CLDN14: variants seen among roughly 807,000 people sequenced by gnomAD.
CLDN14 encodes claudin-14.
CLDN14 carries 2 observed loss-of-function variants against 2.1 expected under a neutral mutation model. The observed-to-expected ratio is 0.96, with a 90% CI of 0.39 to 3.01. CLDN14 has a LOEUF of 3.01. Ranked by LOEUF, CLDN14 falls within the 30% of genes most tolerant of loss-of-function variation. CLDN14 has a pLI of 0.09. For synonymous variants in CLDN14, 136 were observed against 154.4 expected (o/e 0.88, Z 0.88); for missense variants, 298 against 328.0 (o/e 0.91, Z 0.71).
chr21:36,471,759 T>A (rs115381856), intron 1 of CLDN14, among the ~76,000 whole-genome samples: 2,166 of 152,328 alleles, frequency 0.014, 35 homozygotes, highest in African/African-American at 0.047. Flanking sequence ...CTTCATGAAT[T>A]AGACAACTAT....
intron 2 of CLDN14, among the ~76,000 whole-genome samples, chr21:36,490,949 G>GAC (rs3030068): frequency 0.081 from 12,046 of 148,752 alleles, 648 homozygotes; most frequent in African/African-American, 0.15. Flanking sequence ...CAAGTGCACA[G>GAC]ACACACACAC....
At chr21:36,547,135 A>G (rs1180908095) in intron 1 of CLDN14, among the ~76,000 whole-genome samples, 3 of 152,242 alleles carry the variant, frequency 2.0e-5, no homozygotes, top group Admixed American at 2.0e-4. Context: ...ACTTTAAAGC[A>G]CAACTTGTGT....
chr21:36,495,229 T>C (rs2146467861), intron 2 of CLDN14, among the ~76,000 whole-genome samples: 1 of 152,330 alleles, frequency 6.6e-6, no homozygotes, highest in South Asian at 2.1e-4. Flanking sequence ...CTCAAGAGGC[T>C]GAGGCAGGAG....
At chr21:36,506,520 C>CG (rs1047896016) in intron 2 of CLDN14, among the ~76,000 whole-genome samples, 10 of 149,604 alleles carry the variant, frequency 6.7e-5, no homozygotes, top group South Asian at 2.1e-4. Flanking sequence ...TCGTTTGAAC[C>CG]GGGGGGGCGG....
intron 1 of CLDN14, among the ~76,000 whole-genome samples, chr21:36,513,779 T>C (rs767901525): frequency 6.6e-6 from 1 of 152,210 alleles, no homozygotes; most frequent in Non-Finnish European, 1.5e-5. Context: ...ATATATTTAA[T>C]ACAAGCAGCC....
At position 36,551,026 on chromosome 21, in the gene CLDN14, T is replaced by C. The variant is rs921694613; in HGVS notation, c.-220+25385A>G. ...GCCACGTGAAGAGGGAGGCAGAGAC[T>C]GCAGTGACACAGCTGTGAGCCAAGG... On this transcript the variant is annotated intron_variant, in intron 1 of 2. Transcript: ENST00000342108. This position sits in a 1 kb window ranked among gnomAD's most constrained non-coding sequence, Gnocchi z 4.8. Among the ~76,000 whole-genome samples the C allele has an allele frequency of 2.6e-5, 4 of 152,166 alleles. No individual in the cohort carries two copies. Among genetic ancestry groups the C allele is most frequent in the Non-Finnish European group, 1.5e-5 (1 of 68,028 alleles).
At chr21:36,465,477 C>A (rs2086634011) in intron 1 of CLDN14, among the ~76,000 whole-genome samples, 1 of 152,228 alleles carries the variant, frequency 6.6e-6, no homozygotes, top group South Asian at 2.1e-4. Flanking sequence ...GCTCCCCAAC[C>A]TGCTTTCCTT....
chr21:36,550,991 C>G (rs1201863743), intron 1 of CLDN14, among the ~76,000 whole-genome samples: 2 of 152,170 alleles, frequency 1.3e-5, no homozygotes, highest in East Asian at 3.8e-4. Context: ...GAAGCAGGCA[C>G]CAGGGGAAGG....
At chr21:36,524,567 C>T (rs190513668) in intron 1 of CLDN14, among the ~76,000 whole-genome samples, 4 of 152,332 alleles carry the variant, frequency 2.6e-5, no homozygotes, top group Admixed American at 1.3e-4. Context: ...CTGAGCTCCA[C>T]GTGACCGTGC....
rs181281971 is a variant in CLDN14, at chr21:36,467,365, G to A, written c.-81-5589C>T. ...GCCTGGCCAGGACTGAGGGGTGGACGTGTTGTTTACCAGCCTGCGTCTTGA... is the reference window on the plus strand; with the variant it reads ...GCCTGGCCAGGACTGAGGGGTGGACATGTTGTTTACCAGCCTGCGTCTTGA... On this transcript the variant is annotated intron_variant, in intron 1 of 1. Coordinates refer to ENST00000399135, the MANE Select transcript of CLDN14 (RefSeq NM_001146079.2). 1.8e-3 allele frequency among the ~76,000 whole-genome samples: 273 copies of A among 152,270 alleles called. 3 individuals carry two copies. The highest frequency in any genetic ancestry group is 5.9e-3 in the African/African-American group (247 of 41,562).
At chr21:36,489,193 G>GGAGAGAGAGAGAGAAA (rs1274242388) in intron 2 of CLDN14, among the ~76,000 whole-genome samples, 3 of 140,220 alleles carry the variant, frequency 2.1e-5, no homozygotes, top group Non-Finnish European at 4.6e-5. Context: ...ATGGGGGGCG[G>GGAGAGAGAGAGAGAAA]GAGAGAGAGA....
rs1017315281 is a variant in CLDN14 at position 36,499,323 on chromosome 21, C to A, written c.-82+11040G>T. Among the ~76,000 whole-genome samples the A allele has an allele frequency of 6.6e-6, 1 of 152,148 alleles. No homozygotes were observed. Among genetic ancestry groups the A allele is most frequent in the African/African-American group, 2.4e-5 (1 of 41,446 alleles). ...GGAGTGCAGTGGTGTGATCTCAGCTCGCTGCAACCTCTGCCTCCTGGGTTC... is the reference window on the plus strand; with the variant it reads ...GGAGTGCAGTGGTGTGATCTCAGCTAGCTGCAACCTCTGCCTCCTGGGTTC... On this transcript the variant is annotated intron_variant, in intron 2 of 2. Coordinates refer to the CLDN14 transcript ENST00000342108. The surrounding 1 kb of genome is among the most constrained non-coding windows in gnomAD (Gnocchi z 4.7).
intron 1 of CLDN14, among the ~76,000 whole-genome samples, chr21:36,513,895 G>A (rs112202764): frequency 0.012 from 1,778 of 152,180 alleles, 39 homozygotes; most frequent in African/African-American, 0.042. Context: ...GCAGTGGCAC[G>A]ACCTCCGCTC....
rs2086556657 is a variant in CLDN14 at position 36,460,818 on chromosome 21, G to GTC, written c.*156_*157dup. 1.2e-6 allele frequency: 1 copy of GTC among 827,744 alleles called. No individual in the cohort carries two copies. The highest frequency in any genetic ancestry group is 3.6e-4 in the Middle Eastern group (1 of 2,788). The allele number at this position is 827,744 out of a possible 1,614,324, so 51.3% of individuals were successfully genotyped here. On this transcript the variant is annotated 3_prime_UTR_variant, in exon 2 of 2. Transcript: ENST00000399135. This position sits in a 1 kb window ranked among gnomAD's most constrained non-coding sequence, Gnocchi z 4.0. ...TTCTCCTCCTCTTATTTCCCCCTCT[G>GTC]TCCCTGTGCTCTAAAGACATTTCCT...
intron 2 of CLDN14, chr21:36,486,275 A>T: frequency 2.6e-6 from 2 of 773,808 alleles, no homozygotes; most frequent in Non-Finnish European, 4.5e-6. Context: ...TCCTTAGGTC[A>T]GGAAGTCCGG....
intron 1 of CLDN14, among the ~76,000 whole-genome samples, chr21:36,516,934 G>A (rs1394174786): frequency 1.3e-5 from 2 of 152,268 alleles, no homozygotes; most frequent in East Asian, 1.9e-4. Flanking sequence ...TCCGCTTCCC[G>A]GGTTCAAGCG....
intron 2 of CLDN14, among the ~76,000 whole-genome samples, chr21:36,493,843 C>A (rs963486874): frequency 1.3e-5 from 2 of 152,132 alleles, no homozygotes; most frequent in Admixed American, 6.5e-5. Flanking sequence ...TTCCTCACAG[C>A]CTTCATCTCC....
At chr21:36,478,206 T>G (rs933411629) in intron 1 of CLDN14, among the ~76,000 whole-genome samples, 1 of 152,244 alleles carries the variant, frequency 6.6e-6, no homozygotes, top group African/African-American at 2.4e-5. Flanking sequence ...TCTTCCTTTT[T>G]ATAGATTTTT....
At chr21:36,462,872 C>G (rs559328028) in intron 1 of CLDN14, among the ~76,000 whole-genome samples, 2 of 121,074 alleles carry the variant, frequency 1.7e-5, no homozygotes, top group African/African-American at 5.1e-5. Context: ...GAGCCGAGAT[C>G]GCGCCACTGC....
Sources: allele counts gnomAD v4.1 joint callset (sites outside exome capture counted in the v4.1 genomes callset), GRCh38; gene constraint gnomAD v4.1.1; non-coding constraint Gnocchi (gnomAD v3.1); transcripts MANE v1.5; gene names NCBI Gene and HGNC (gene_info 2026-07-23, HGNC 2026-07-21).